Variants in VIPAS39 observed in about 807,000 individuals in gnomAD.
VIPAS39 encodes VPS33B interacting protein, apical-basolateral polarity regulator, spe-39 homolog.
Under a neutral mutation model 84.7 loss-of-function variants are expected in VIPAS39, and 63 were observed. That is an observed-to-expected ratio of 0.74 (90% CI 0.61 to 0.92). The LOEUF (loss-of-function observed/expected upper bound fraction) is 0.92. VIPAS39 is among the 40% of genes least tolerant of loss of function. The pLI is 0.00. For synonymous variants in VIPAS39, 192 were observed against 216.5 expected, an observed-to-expected ratio of 0.89 and a Z score of 0.99; for missense variants, 499 against 604.5, an observed-to-expected ratio of 0.83 and a Z score of 1.83.
chr14:77,457,472 C>G, intron 1 of VIPAS39, 23 bp downstream of exon 1: 1 of 1,436,092 alleles, frequency 7.0e-7, no homozygotes, highest in Admixed American at 2.0e-5. Context: ...ATACGCGACC[C>G]AAGGGGCTTG....
intron 6 of VIPAS39, among the ~76,000 whole-genome samples, chr14:77,448,898 T>G (rs2078839920): frequency 6.6e-6 from 1 of 152,010 alleles, no homozygotes; most frequent in African/African-American, 2.4e-5. Flanking sequence ...AAGAGAGAGA[T>G]GTTGGAGACA....
chr14:77,435,455 G>T, intron 13 of VIPAS39, 62 bp from the exon 14 acceptor site: 1 of 1,595,782 alleles, frequency 6.3e-7, no homozygotes, highest in East Asian at 2.2e-5. Flanking sequence ...AGAGGCAGGA[G>T]AAAAATCTTT....
At chr14:77,436,839 T>C (rs1473719479) in intron 12 of VIPAS39, among the ~76,000 whole-genome samples, 1 of 152,204 alleles carries the variant, frequency 6.6e-6, no homozygotes, top group African/African-American at 2.4e-5. Flanking sequence ...AGATTTTAAA[T>C]GCCCAGTTCA....
Position 77,444,281 on chromosome 14 carries a change from C to T in VIPAS39, c.565G>A (p.Val189Ile), listed in dbSNP as rs777980335. The T allele has an allele frequency of 2.5e-6, 4 of 1,613,902 alleles. No homozygotes were observed. The highest frequency in any genetic ancestry group is 1.1e-5 in the South Asian group (1 of 91,080). The change falls in exon 8 of 20, where the codon GTA (valine) becomes ATA (isoleucine). Residue 189 changes from valine (V) to isoleucine (I), a missense_variant. By Grantham distance (29) the Val-to-Ile change is conservative. Coordinates refer to ENST00000557658, the MANE Select transcript of VIPAS39 (RefSeq NM_001193315.2). ...QDKLQLLEEA[V>I]SMHDGNVITA... ...ATGACGTTTCCATCATGCATGCTTACTGCCTCTTCTAGGAGTTGTAGTTTG... is the reference window on the plus strand; with the variant it reads ...ATGACGTTTCCATCATGCATGCTTATTGCCTCTTCTAGGAGTTGTAGTTTG...
intron 19 of VIPAS39, among the ~76,000 whole-genome samples, chr14:77,427,960 A>G (rs2078456046): frequency 6.6e-6 from 1 of 152,206 alleles, no homozygotes; most frequent in Non-Finnish European, 1.5e-5. Context: ...TGAGAGACGA[A>G]CCAGCTGTGC....
intron 1 of VIPAS39, among the ~76,000 whole-genome samples, chr14:77,456,427 C>T (rs1398911745): frequency 6.6e-6 from 1 of 152,188 alleles, no homozygotes; most frequent in Non-Finnish European, 1.5e-5. Context: ...GTCTCTGGCA[C>T]ACATGTCAGT....
chr14:77,428,511 G>A, intron 18 of VIPAS39, 37 bp from the exon 19 acceptor site: 5 of 1,594,174 alleles, frequency 3.1e-6, no homozygotes, highest in Non-Finnish European at 4.3e-6. Flanking sequence ...CCTCCAATCA[G>A]CCTCTGTACA....
intron 10 of VIPAS39, among the ~76,000 whole-genome samples, chr14:77,442,148 CACTT>C (rs1393767632): frequency 2.0e-5 from 3 of 152,132 alleles, no homozygotes; most frequent in African/African-American, 7.2e-5. Flanking sequence ...TGTAAGAAAA[CACTT>C]AATAAATACT....
At position 77,427,455 on chromosome 14, in the gene VIPAS39, G is replaced by T; in HGVS notation, c.*161C>A. 1 of 779,660 alleles carries T rather than the reference G, an allele frequency of 1.3e-6. No individual in the cohort carries two copies. Among genetic ancestry groups the T allele is most frequent in the African/African-American group, 1.7e-5 (1 of 57,828 alleles). 48.3% of individuals were successfully genotyped at this position (779,660 alleles called of 1,614,324 possible). A position where few individuals can be genotyped will look rare whatever the true frequency, so the allele number is the denominator to read the frequency against. On this transcript the variant is annotated 3_prime_UTR_variant, in exon 20 of 20. Transcript: ENST00000557658. The stretch of plus-strand genomic sequence containing the variant: ...ATCCTCAGATGATGTTCCTTGGACA[G>T]AAGATCAGTCTGAAGTTATCTGTGT...
At chr14:77,427,858 TA>T (rs2078454843) in intron 19 of VIPAS39, among the ~76,000 whole-genome samples, 2 of 152,230 alleles carry the variant, frequency 1.3e-5, no homozygotes, top group African/African-American at 4.8e-5. Flanking sequence ...TTTACAAGCC[TA>T]ATTTTGGTCA....
Position 77,444,297 on chromosome 14 carries a change from T to C in VIPAS39, c.549A>G (p.Gln183=). 6.2e-7 allele frequency: 1 copy of C among 1,613,762 alleles called. No homozygotes were observed. The highest frequency in any genetic ancestry group is 8.5e-7 in the Non-Finnish European group (1 of 1,179,788). The change falls in exon 8 of 20, where the codon CAA becomes CAG. Residue 183 remains glutamine (Q), a synonymous_variant. Transcript: ENST00000557658. ...GCATGCTTACTGCCTCTTCTAGGAG[T>C]TGTAGTTTGTCCTGTAAGGAGCGGA... is the stretch of plus-strand genomic sequence containing the variant. ...ERFRSLQDKL[Q]LLEEAVSMHD...
chr14:77,452,431 G>T (rs908192927), intron 3 of VIPAS39, among the ~76,000 whole-genome samples: 1 of 149,726 alleles, frequency 6.7e-6, no homozygotes, highest in Admixed American at 6.7e-5. Flanking sequence ...TTAATCTTTA[G>T]TCACATTATA....
Position 77,427,608 on chromosome 14 carries a change from A to C in VIPAS39, c.*8T>G, listed in dbSNP as rs966073869. The stretch of plus-strand genomic sequence containing the variant: ...AAATGAGGCAGGCTTCAAGGTAGTC[A>C]ATGCCACTTAATTCTTCCATCGAAT... On this transcript the variant is annotated 3_prime_UTR_variant, in exon 20 of 20. Coordinates refer to ENST00000557658, the MANE Select transcript of VIPAS39 (RefSeq NM_001193315.2). 5 of 1,614,078 alleles carry C rather than the reference A, an allele frequency of 3.1e-6. No individual in the cohort carries two copies. The highest frequency in any genetic ancestry group is 1.7e-5 in the Admixed American group (1 of 60,010).
chr14:77,444,239 G>T lies in VIPAS39; in HGVS notation c.597+10C>A. 6.2e-7 allele frequency: 1 copy of T among 1,611,302 alleles called. No individual in the cohort carries two copies. Among genetic ancestry groups the T allele is most frequent in the South Asian group, 1.1e-5 (1 of 90,932 alleles). ...TAATTAAACAAACAACAACAAATCC[G>T]ACAACTCACTGCAGTAATGACGTTT... On this transcript the variant is annotated intron_variant, in intron 8 of 19. Transcript: ENST00000557658.
At chr14:77,447,123 C>G (rs1337344556) in intron 7 of VIPAS39, among the ~76,000 whole-genome samples, 2 of 150,970 alleles carry the variant, frequency 1.3e-5, no homozygotes, top group Non-Finnish European at 2.9e-5. Flanking sequence ...CCACCAGGTT[C>G]AAACGATTCT....
intron 8 of VIPAS39, 145 bp downstream of exon 8, chr14:77,444,104 A>C (rs2078748168): frequency 3.6e-6 from 3 of 826,108 alleles, no homozygotes; most frequent in Non-Finnish European, 5.8e-6. Flanking sequence ...CCCTTAAAGC[A>C]CAGATTACTT....
At chr14:77,456,425 C>G (rs1193112488) in intron 1 of VIPAS39, among the ~76,000 whole-genome samples, 1 of 152,210 alleles carries the variant, frequency 6.6e-6, no homozygotes, top group Non-Finnish European at 1.5e-5. Flanking sequence ...ATGTCTCTGG[C>G]ACACATGTCA....
At chr14:77,434,120 T>G in intron 15 of VIPAS39, 142 bp downstream of exon 15, 1 of 1,153,554 alleles carries the variant, frequency 8.7e-7, no homozygotes, top group South Asian at 1.2e-5. Flanking sequence ...CCATTCAGTC[T>G]TCTCTCACTT....
intron 19 of VIPAS39, 42 bp downstream of exon 19, chr14:77,428,328 T>C: frequency 6.4e-7 from 1 of 1,569,952 alleles, no homozygotes; most frequent in Non-Finnish European, 8.8e-7. Context: ...GTGAACTGTC[T>C]GTCTCCTGAG....
Sources: gnomAD v4.1 joint callset for allele counts (sites outside exome capture counted in the v4.1 genomes callset) on GRCh38, gnomAD v4.1.1 for gene constraint, MANE v1.5 for transcripts, NCBI Gene and HGNC (gene_info 2026-07-23, HGNC 2026-07-21) for gene names.